Variants in CSMD1 observed in about 807,000 individuals in gnomAD.
CSMD1 encodes CUB and sushi domain-containing protein 1.
CSMD1 carries 213 observed loss-of-function variants against 417.5 expected under a neutral mutation model. The observed-to-expected ratio is 0.51, with a 90% CI of 0.46 to 0.57. The LOEUF is 0.57. Among genes scored for constraint, CSMD1 ranks in the 20% least tolerant of loss-of-function variants. The probability of loss-of-function intolerance (pLI) is 0.00; values close to 1 mark genes in which losing one functional copy is unlikely to be tolerated. For synonymous variants in CSMD1, 2,862 were observed against 1,736.8 expected, an observed-to-expected ratio of 1.65 and a Z score of -16.11; for missense variants, 6,923 against 4,529.7, an observed-to-expected ratio of 1.53 and a Z score of -15.17.
At chr8:4,510,313 A>G (rs973844230) in intron 2 of CSMD1, among the ~76,000 whole-genome samples, 4 of 148,432 alleles carry the variant, frequency 2.7e-5, no homozygotes, top group Admixed American at 1.4e-4. Context: ...ACTGTTACAC[A>G]CTACAACTAA....
At chr8:4,805,141 G>T (rs1798516094) in intron 1 of CSMD1, among the ~76,000 whole-genome samples, 1 of 152,140 alleles carries the variant, frequency 6.6e-6, no homozygotes, top group South Asian at 2.1e-4. Context: ...ATTCTGCAGG[G>T]ACGATGTTTT....
At chr8:3,436,414 TG>T (rs1300736275) in intron 12 of CSMD1, among the ~76,000 whole-genome samples, 1 of 152,170 alleles carries the variant, frequency 6.6e-6, no homozygotes, top group Non-Finnish European at 1.5e-5. Flanking sequence ...CTGTGAGAGC[TG>T]GTCTTTTGCC....
intron 3 of CSMD1, among the ~76,000 whole-genome samples, chr8:4,167,383 A>G (rs1040673752): frequency 2.6e-5 from 4 of 152,228 alleles, no homozygotes; most frequent in Non-Finnish European, 5.9e-5. Context: ...ATAACAAACT[A>G]TGTTAAATTT....
chr8:4,098,049 G>A (rs7825804), intron 3 of CSMD1, among the ~76,000 whole-genome samples: 6 of 152,194 alleles, frequency 3.9e-5, no homozygotes, highest in African/African-American at 1.2e-4. Context: ...TTCAGGCACA[G>A]AGAATGCTCA....
intron 3 of CSMD1, among the ~76,000 whole-genome samples, chr8:4,073,537 T>C (rs1402991727): frequency 6.6e-6 from 1 of 152,170 alleles, no homozygotes; most frequent in Non-Finnish European, 1.5e-5. Flanking sequence ...TAGTGCCAGA[T>C]GGCATAAAAA....
intron 3 of CSMD1, among the ~76,000 whole-genome samples, chr8:4,123,275 A>T (rs536154097): frequency 2.0e-5 from 3 of 152,208 alleles, no homozygotes; most frequent in African/African-American, 7.2e-5. Context: ...TAGCTTTTAG[A>T]ATATATTAGG....
chr8:3,626,413 T>G (rs1170892847), intron 7 of CSMD1, among the ~76,000 whole-genome samples: 1 of 152,204 alleles, frequency 6.6e-6, no homozygotes, highest in Non-Finnish European at 1.5e-5. Flanking sequence ...TTACTTTGCA[T>G]AGAATCTGTA....
intron 5 of CSMD1, among the ~76,000 whole-genome samples, chr8:3,759,633 C>T (rs1797876860): frequency 6.6e-6 from 1 of 151,680 alleles, no homozygotes; most frequent in African/African-American, 2.4e-5. Flanking sequence ...GTGGCTCACA[C>T]CTGTAATTTC....
intron 3 of CSMD1, among the ~76,000 whole-genome samples, chr8:4,195,070 A>C (rs1424379120): frequency 1.3e-5 from 2 of 152,210 alleles, no homozygotes; most frequent in Admixed American, 6.5e-5. Context: ...TTCAGCTGTT[A>C]CGCCTAGAAT....
chr8:3,726,533 G>A (rs940205815), intron 6 of CSMD1, among the ~76,000 whole-genome samples: 1 of 152,220 alleles, frequency 6.6e-6, no homozygotes, highest in Non-Finnish European at 1.5e-5. Context: ...CTCTTGCATA[G>A]TTTGGGTCCA....
chr8:4,962,694 G>T (rs1475165028), intron 1 of CSMD1, among the ~76,000 whole-genome samples: 1 of 152,272 alleles, frequency 6.6e-6, no homozygotes, highest in Non-Finnish European at 1.5e-5. Flanking sequence ...GTGGGTGGAA[G>T]GGATGTGCAA....
chr8:4,689,748 T>C (rs1348376383), intron 1 of CSMD1, among the ~76,000 whole-genome samples: 1 of 152,190 alleles, frequency 6.6e-6, no homozygotes, highest in East Asian at 1.9e-4. Context: ...TTTCTGTACC[T>C]GATGACCTCT....
chr8:4,562,962 G>A (rs1217436749), intron 2 of CSMD1, among the ~76,000 whole-genome samples: 2 of 152,048 alleles, frequency 1.3e-5, no homozygotes, highest in Non-Finnish European at 2.9e-5. Flanking sequence ...GTTGTCACAG[G>A]TAAGCAAAAT....
At chr8:3,140,323 G>A (rs1190324755) in intron 41 of CSMD1, among the ~76,000 whole-genome samples, 1 of 145,162 alleles carries the variant, frequency 6.9e-6, no homozygotes, top group African/African-American at 2.6e-5. Flanking sequence ...CTTCCTCTCT[G>A]ATGTTCTCTC....
rs572849075 is a variant in CSMD1, at chr8:3,468,797, G to C, written c.1476C>G (p.Leu492=). 3 of 1,602,144 alleles carry C rather than the reference G, an allele frequency of 1.9e-6. No individual in the cohort carries two copies. The highest frequency in any genetic ancestry group is 8.5e-7 in the Non-Finnish European group (1 of 1,174,508). The change falls in exon 12 of 70, where the codon CTC becomes CTG. Residue 492 remains leucine (L), a synonymous_variant. Coordinates refer to ENST00000635120, the MANE Select transcript of CSMD1 (RefSeq NM_033225.6). ...YVLTGSSVPD[L]IVSMSNQMWL... ...ACATCTGGTTGCTCATGCTCACAAT[G>C]AGGTCAGGAACACTGGATCCCGTGA...
At chr8:4,499,288 G>A (rs1415758490) in intron 2 of CSMD1, among the ~76,000 whole-genome samples, 1 of 152,202 alleles carries the variant, frequency 6.6e-6, no homozygotes, top group African/African-American at 2.4e-5. Flanking sequence ...CCAGGTAAAA[G>A]ACGTCATGAA....
At chr8:3,230,354 A>G (rs1462358863) in intron 26 of CSMD1, 123 bp from the exon 27 acceptor site, 19 of 610,844 alleles carry the variant, frequency 3.1e-5, no homozygotes, top group African/African-American at 7.5e-5. Context: ...TTGTCTACAC[A>G]TGAACATACG....
At chr8:4,955,162 T>C (rs372790508) in intron 1 of CSMD1, among the ~76,000 whole-genome samples, 1 of 152,166 alleles carries the variant, frequency 6.6e-6, no homozygotes, top group Non-Finnish European at 1.5e-5. Flanking sequence ...AGAAACCCTC[T>C]GAGTGCAGAC....
At chr8:4,082,845 A>G (rs927135428) in intron 3 of CSMD1, among the ~76,000 whole-genome samples, 2 of 139,674 alleles carry the variant, frequency 1.4e-5, no homozygotes, top group East Asian at 2.2e-4. Flanking sequence ...ATTTCCACCT[A>G]TGAGTGGGAA....
Sources: gnomAD v4.1 joint callset for allele counts (sites outside exome capture counted in the v4.1 genomes callset) on GRCh38, gnomAD v4.1.1 for gene constraint, MANE v1.5 for transcripts, NCBI Gene and HGNC (gene_info 2026-07-23, HGNC 2026-07-21) for gene names.